Variants in MGAT4C observed in about 807,000 individuals in gnomAD.
MGAT4C encodes the protein MGAT4 family member C.
A neutral mutation model predicts 40.1 loss-of-function variants in MGAT4C; 19 were observed. The ratio of observed to expected loss-of-function variants is 0.47; its 90% confidence interval spans 0.33 to 0.70. MGAT4C has a LOEUF of 0.70. Among genes scored for constraint, MGAT4C ranks in the 30% least tolerant of loss-of-function variants. MGAT4C has a pLI of 0.02. For missense variants in MGAT4C, 491 were observed against 563.2 expected, an observed-to-expected ratio of 0.87 and a Z score of 1.30; for synonymous variants, 181 against 187.1, an observed-to-expected ratio of 0.97 and a Z score of 0.27.
intron 4 of MGAT4C, among the ~76,000 whole-genome samples, chr12:86,307,576 T>C (rs1953967204): frequency 6.6e-6 from 1 of 150,592 alleles, no homozygotes; most frequent in Non-Finnish European, 1.5e-5. Flanking sequence ...AATTTTATAT[T>C]AAATAGAGGA....
At chr12:86,035,704 T>C (rs140265827) in intron 2 of MGAT4C, among the ~76,000 whole-genome samples, 3 of 150,120 alleles carry the variant, frequency 2.0e-5, no homozygotes, top group Non-Finnish European at 4.5e-5. Context: ...GTTTTTATTG[T>C]TTTAAGTCTT....
chr12:86,834,722 T>G (rs1239377212), intron 1 of MGAT4C, among the ~76,000 whole-genome samples: 1 of 151,712 alleles, frequency 6.6e-6, no homozygotes, highest in East Asian at 1.9e-4. Context: ...CCAAAAATAA[T>G]ACAAGAACTT....
intron 1 of MGAT4C, among the ~76,000 whole-genome samples, chr12:86,095,160 G>T (rs762444704): frequency 2.6e-5 from 4 of 152,056 alleles, no homozygotes; most frequent in Non-Finnish European, 4.4e-5. Context: ...GAAGTTGTTG[G>T]TTGCACCTTT....
At chr12:86,676,826 T>G (rs907439683) in intron 2 of MGAT4C, among the ~76,000 whole-genome samples, 2 of 152,144 alleles carry the variant, frequency 1.3e-5, no homozygotes, top group Non-Finnish European at 2.9e-5. Flanking sequence ...TATGGTGAAA[T>G]AAGTTTATAA....
rs1351874740 is a variant in MGAT4C, at chr12:86,287,833, A to G, written c.-57+46232T>C. On this transcript the variant is annotated intron_variant, in intron 4 of 7. Coordinates refer to the MGAT4C transcript ENST00000548651. ...ATACGTATGCATGTGTCCTTATAGT[A>G]GAATGATTTATAATCCTTTGGGTAT... is the stretch of plus-strand genomic sequence containing the variant. Among the ~76,000 whole-genome samples the G allele has an allele frequency of 2.6e-5, 4 of 152,240 alleles. No homozygotes were observed. In the East Asian group the frequency reaches 7.7e-4, roughly 29 times the overall value.
At chr12:86,766,069 T>C (rs1044003824) in intron 1 of MGAT4C, among the ~76,000 whole-genome samples, 2 of 152,110 alleles carry the variant, frequency 1.3e-5, no homozygotes, top group Non-Finnish European at 2.9e-5. Flanking sequence ...AGACACAGAC[T>C]GGCAAATTGG....
intron 2 of MGAT4C, among the ~76,000 whole-genome samples, chr12:86,481,074 C>T (rs1439107325): frequency 6.6e-6 from 1 of 151,900 alleles, no homozygotes; most frequent in Non-Finnish European, 1.5e-5. Flanking sequence ...TCATAACAAA[C>T]ATCAAAGAGA....
At chr12:86,670,532 A>G (rs1964228341) in intron 2 of MGAT4C, among the ~76,000 whole-genome samples, 1 of 151,932 alleles carries the variant, frequency 6.6e-6, no homozygotes, top group African/African-American at 2.4e-5. Flanking sequence ...AAAAATAAAG[A>G]AAAAAAGAAT....
At chr12:86,520,557 A>G (rs375289841) in intron 2 of MGAT4C, among the ~76,000 whole-genome samples, 2 of 152,152 alleles carry the variant, frequency 1.3e-5, no homozygotes, top group African/African-American at 2.4e-5. Context: ...TATGTTTATG[A>G]CAGAATAATT....
At chr12:86,066,587 T>C (rs1384658767) in intron 1 of MGAT4C, among the ~76,000 whole-genome samples, 1 of 151,988 alleles carries the variant, frequency 6.6e-6, no homozygotes. Context: ...CGTATATGTA[T>C]GACCTAAAAC....
At chr12:86,584,860 T>G (rs1357787512) in intron 2 of MGAT4C, among the ~76,000 whole-genome samples, 1 of 150,944 alleles carries the variant, frequency 6.6e-6, no homozygotes, top group Non-Finnish European at 1.5e-5. Context: ...GAAGTGGAGC[T>G]ATTTTCATTG....
intron 1 of MGAT4C, among the ~76,000 whole-genome samples, chr12:86,138,094 C>A (rs1882229500): frequency 6.6e-6 from 1 of 152,062 alleles, no homozygotes; most frequent in Admixed American, 6.5e-5. Context: ...TTCTGAAAGG[C>A]CTGCTTCTGA....
intron 1 of MGAT4C, among the ~76,000 whole-genome samples, chr12:86,764,489 T>TCTGA (rs2136157164): frequency 6.6e-6 from 1 of 150,656 alleles, no homozygotes; most frequent in South Asian, 2.1e-4. Flanking sequence ...AATGTCCCTG[T>TCTGA]CTGACAGCTT....
At chr12:86,274,662 T>A (rs1016904990) in intron 4 of MGAT4C, among the ~76,000 whole-genome samples, 1 of 152,176 alleles carries the variant, frequency 6.6e-6, no homozygotes, top group Admixed American at 6.5e-5. Context: ...TCATGGGCTA[T>A]ATGAAAAGCA....
intron 2 of MGAT4C, among the ~76,000 whole-genome samples, chr12:86,671,275 A>G (rs1964249548): frequency 6.6e-6 from 1 of 152,184 alleles, no homozygotes; most frequent in African/African-American, 2.4e-5. Context: ...GATTTGCTTT[A>G]GCCTCAGAGT....
chr12:86,019,339 C>T (rs971092348), intron 2 of MGAT4C, among the ~76,000 whole-genome samples: 3 of 151,892 alleles, frequency 2.0e-5, no homozygotes, highest in Admixed American at 1.3e-4. Flanking sequence ...AGTGGTGTGC[C>T]CCAGTATAAT....
intron 2 of MGAT4C, among the ~76,000 whole-genome samples, chr12:86,550,648 G>A (rs1159893119): frequency 6.6e-6 from 1 of 152,182 alleles, no homozygotes; most frequent in South Asian, 2.1e-4. Flanking sequence ...GCTTGGCCCA[G>A]TATCCGCTAT....
intron 1 of MGAT4C, among the ~76,000 whole-genome samples, chr12:86,183,821 G>A (rs1888406774): frequency 6.6e-6 from 1 of 152,106 alleles, no homozygotes; most frequent in Non-Finnish European, 1.5e-5. Flanking sequence ...ATCAACTTAA[G>A]ATCCCCTCTA....
At chr12:86,319,740 T>G (rs985892528) in intron 4 of MGAT4C, among the ~76,000 whole-genome samples, 2 of 152,188 alleles carry the variant, frequency 1.3e-5, no homozygotes, top group African/African-American at 4.8e-5. Flanking sequence ...GAAATGTTTC[T>G]TGTCAAGTTA....
Sources: allele counts gnomAD v4.1 joint callset (sites outside exome capture counted in the v4.1 genomes callset), GRCh38; gene constraint gnomAD v4.1.1; transcripts MANE v1.5; gene names NCBI Gene and HGNC (gene_info 2026-07-23, HGNC 2026-07-21).